DNAJC1: variants seen among roughly 807,000 people sequenced by gnomAD.
DNAJC1 encodes dnaJ homolog subfamily C member 1.
DNAJC1 carries 58 observed loss-of-function variants against 76.6 expected under a neutral mutation model. That is an observed-to-expected ratio of 0.76 (90% CI 0.61 to 0.94). The LOEUF (loss-of-function observed/expected upper bound fraction) is 0.94. Ranked by LOEUF, DNAJC1 falls within the 40% of genes least tolerant of loss-of-function variation. The pLI is 0.00. For missense variants in DNAJC1, 689 were observed against 677.3 expected, an observed-to-expected ratio of 1.02 and a Z score of -0.19; for synonymous variants, 258 against 267.9, an observed-to-expected ratio of 0.96 and a Z score of 0.36.
intron 5 of DNAJC1, among the ~76,000 whole-genome samples, chr10:21,919,263 C>T (rs916193196): frequency 6.6e-6 from 1 of 151,938 alleles, no homozygotes; most frequent in Non-Finnish European, 1.5e-5. Context: ...GTGCTGACAA[C>T]CAGATATGAA....
intron 7 of DNAJC1, among the ~76,000 whole-genome samples, chr10:21,888,584 T>C (rs1487163768): frequency 6.6e-6 from 1 of 152,188 alleles, no homozygotes; most frequent in Non-Finnish European, 1.5e-5. Flanking sequence ...CACCATGGAA[T>C]ACTATGCAGC....
At chr10:21,908,124 T>C (rs1271616899) in intron 6 of DNAJC1, among the ~76,000 whole-genome samples, 1 of 108,486 alleles carries the variant, frequency 9.2e-6, no homozygotes, top group Non-Finnish European at 1.7e-5. Flanking sequence ...ATATATATAA[T>C]ATATAATATA....
rs114676686 is a variant in DNAJC1 at position 21,887,205 on chromosome 10, G to A, written c.821-4766C>T. 4.9e-3 allele frequency among the ~76,000 whole-genome samples: 741 copies of A among 152,062 alleles called. 3 individuals are homozygous for A. The highest frequency in any genetic ancestry group is 0.015 in the African/African-American group (616 of 41,472). On this transcript the variant is annotated intron_variant, in intron 7 of 11. Transcript: ENST00000376980. ...CAGGGAGGTGAAAGAGTTCTATGACGAGAATTACAAAACTCAAATAAAGAA... is the reference window on the plus strand; with the variant it reads ...CAGGGAGGTGAAAGAGTTCTATGACAAGAATTACAAAACTCAAATAAAGAA...
intron 8 of DNAJC1, among the ~76,000 whole-genome samples, chr10:21,847,563 G>A (rs943187960): frequency 3.3e-5 from 5 of 151,972 alleles, no homozygotes; most frequent in Non-Finnish European, 5.9e-5. Flanking sequence ...TTTTGCAACC[G>A]CTAACCAGCC....
chr10:21,759,061 G>A (rs1834208732), intron 11 of DNAJC1, 109 bp downstream of exon 11: 2 of 1,073,688 alleles, frequency 1.9e-6, no homozygotes, highest in African/African-American at 1.6e-5. Context: ...GAAATCACGG[G>A]GCAGGTGTCA....
At chr10:21,788,776 T>A (rs1209605161) in intron 9 of DNAJC1, among the ~76,000 whole-genome samples, 1 of 152,104 alleles carries the variant, frequency 6.6e-6, no homozygotes, top group Non-Finnish European at 1.5e-5. Context: ...CAAAGCCATA[T>A]CCTGGCCTAG....
chr10:21,896,426 T>G (rs934853327), intron 7 of DNAJC1, among the ~76,000 whole-genome samples: 1 of 152,360 alleles, frequency 6.6e-6, no homozygotes, highest in South Asian at 2.1e-4. Context: ...TTCAGCTTAC[T>G]TGGGGACTGT....
chr10:21,824,232 A>G (rs1024851588), intron 8 of DNAJC1, among the ~76,000 whole-genome samples: 2 of 152,346 alleles, frequency 1.3e-5, no homozygotes, highest in African/African-American at 4.8e-5. Flanking sequence ...CTTCCATTCA[A>G]TAACAGTAGC....
intron 6 of DNAJC1, among the ~76,000 whole-genome samples, chr10:21,915,726 G>A (rs1281658777): frequency 6.6e-6 from 1 of 151,900 alleles, no homozygotes; most frequent in African/African-American, 2.4e-5. Context: ...AAAAGGATGA[G>A]ATATGAGTAA....
chr10:21,866,120 G>A (rs1008861711), intron 8 of DNAJC1, among the ~76,000 whole-genome samples: 6 of 135,380 alleles, frequency 4.4e-5, no homozygotes, highest in Admixed American at 2.3e-4. Context: ...GGGCGAGAGA[G>A]TGAGACTTCA....
chr10:21,860,480 C>T (rs1193850969), intron 8 of DNAJC1, among the ~76,000 whole-genome samples: 2 of 151,984 alleles, frequency 1.3e-5, no homozygotes, highest in Admixed American at 1.3e-4. Flanking sequence ...ATCGTGAGGT[C>T]AGGAGTTCGA....
chr10:21,838,760 T>C lies in DNAJC1; in HGVS notation c.979-32661A>G, dbSNP rs557897044. Among the ~76,000 whole-genome samples the C allele has an allele frequency of 7.2e-5, 11 of 152,242 alleles. No individual in the cohort carries two copies. In the South Asian group the frequency reaches 2.1e-3, roughly 29 times the overall value. On this transcript the variant is annotated intron_variant, in intron 8 of 11. Coordinates refer to ENST00000376980, the MANE Select transcript of DNAJC1 (RefSeq NM_022365.4). ...CTTCAACAAGCAGACCTAACAGACA[T>C]CTACAGAACTCTCCACCCCAAATCA...
chr10:21,947,652 T>C (rs921659275), intron 1 of DNAJC1, among the ~76,000 whole-genome samples: 1 of 152,192 alleles, frequency 6.6e-6, no homozygotes, highest in African/African-American at 2.4e-5. Flanking sequence ...GACTTTCCAC[T>C]GTGCTGGGGG....
intron 7 of DNAJC1, among the ~76,000 whole-genome samples, chr10:21,889,133 G>A (rs1334821818): frequency 6.6e-6 from 1 of 152,140 alleles, no homozygotes; most frequent in Non-Finnish European, 1.5e-5. Context: ...TGCCTCTGGG[G>A]AAGTCTCAGG....
At chr10:21,998,088 G>C (rs1838447429) in intron 1 of DNAJC1, among the ~76,000 whole-genome samples, 1 of 151,936 alleles carries the variant, frequency 6.6e-6, no homozygotes, top group African/African-American at 2.4e-5. Context: ...GGTCCCAAAA[G>C]ACAATTAAAA....
intron 11 of DNAJC1, among the ~76,000 whole-genome samples, chr10:21,757,893 T>C (rs1462992482): frequency 1.3e-5 from 2 of 152,044 alleles, no homozygotes; most frequent in African/African-American, 2.4e-5. Context: ...CAGGTATGAG[T>C]TTCTGGGTGT....
intron 9 of DNAJC1, among the ~76,000 whole-genome samples, chr10:21,791,998 A>C (rs1026575362): frequency 6.6e-6 from 1 of 152,182 alleles, no homozygotes; most frequent in Non-Finnish European, 1.5e-5. Flanking sequence ...AGAAATGAAA[A>C]ACATGGATAG....
intron 8 of DNAJC1, among the ~76,000 whole-genome samples, chr10:21,807,686 A>G (rs1426382384): frequency 1.3e-5 from 2 of 152,172 alleles, no homozygotes; most frequent in African/African-American, 4.8e-5. Flanking sequence ...TTTATCAATC[A>G]TTCTATTTTG....
chr10:21,927,205 C>A (rs900496690), intron 3 of DNAJC1, among the ~76,000 whole-genome samples: 2 of 152,136 alleles, frequency 1.3e-5, no homozygotes, highest in Admixed American at 6.5e-5. Context: ...CCAATGCCAG[C>A]CCTTGTTATA....
Sources: allele counts gnomAD v4.1 joint callset (sites outside exome capture counted in the v4.1 genomes callset), GRCh38; gene constraint gnomAD v4.1.1; transcripts MANE v1.5; gene names NCBI Gene and HGNC (gene_info 2026-07-23, HGNC 2026-07-21).